Variants in ARHGEF26 observed in about 807,000 individuals in gnomAD.
The protein encoded by ARHGEF26 is Rho guanine nucleotide exchange factor (GEF) 26.
In ARHGEF26, 59 loss-of-function variants were observed where a neutral mutation model predicts 89.4. That is an observed-to-expected ratio of 0.66 (90% confidence interval 0.54 to 0.82). The LOEUF is 0.82. Ranked by LOEUF, ARHGEF26 falls within the 40% of genes least tolerant of loss-of-function variation. The pLI is 0.00. For synonymous variants in ARHGEF26, 500 were observed against 428.4 expected, an observed-to-expected ratio of 1.17 and a Z score of -2.06; for missense variants, 1,234 against 1,085.6, an observed-to-expected ratio of 1.14 and a Z score of -1.92.
intron 3 of ARHGEF26, among the ~76,000 whole-genome samples, chr3:154,125,538 T>G (rs1718275829): frequency 6.6e-6 from 1 of 152,198 alleles, no homozygotes; most frequent in Admixed American, 6.5e-5. Context: ...AGTTTGCTGC[T>G]TCTTATAGCA....
chr3:154,127,424 A>G (rs1422774428), intron 3 of ARHGEF26, among the ~76,000 whole-genome samples: 1 of 152,228 alleles, frequency 6.6e-6, no homozygotes, highest in South Asian at 2.1e-4. Flanking sequence ...AAACACATGC[A>G]TTAGCCTAGG....
intron 9 of ARHGEF26, among the ~76,000 whole-genome samples, chr3:154,199,682 C>A (rs1426650750): frequency 6.6e-6 from 1 of 152,180 alleles, no homozygotes; most frequent in East Asian, 1.9e-4. Context: ...TGCCCACCAT[C>A]AGTGTATGAG....
In ARHGEF26 at chr3:154,148,003, T is replaced by C. The variant is rs536990273; in HGVS notation, c.1270-1386T>C. 2.0e-5 allele frequency among the ~76,000 whole-genome samples: 3 copies of C among 152,324 alleles called. No homozygotes were observed. In the South Asian group the frequency reaches 6.2e-4, roughly 32 times the overall value. On this transcript the variant is annotated intron_variant, in intron 4 of 14. Coordinates refer to ENST00000465093, the MANE Select transcript of ARHGEF26 (RefSeq NM_015595.4). ...ATCTTCTTGCCTGTTCATGACCTTC[T>C]ACCTCCAGACACCTGCTATAAGGTG...
At chr3:154,228,988 G>A (rs1716669021) in intron 11 of ARHGEF26, among the ~76,000 whole-genome samples, 1 of 152,096 alleles carries the variant, frequency 6.6e-6, no homozygotes, top group South Asian at 2.1e-4. Flanking sequence ...AAGCTGCTCG[G>A]GAGGACAGTT....
chr3:154,241,140 C>T (rs930222095), intron 12 of ARHGEF26, among the ~76,000 whole-genome samples: 63 of 152,194 alleles, frequency 4.1e-4, no homozygotes, highest in African/African-American at 1.5e-3. Context: ...AGTTAGTGTG[C>T]ACTTAGTTCT....
chr3:154,157,924 T>C (rs1727949), intron 6 of ARHGEF26, among the ~76,000 whole-genome samples: 128,606 of 152,100 alleles, frequency 0.85, 54,649 homozygotes, highest in South Asian at 0.96. Context: ...GTCACAGAGG[T>C]GGTTCTTGTC....
intron 7 of ARHGEF26, among the ~76,000 whole-genome samples, chr3:154,188,856 G>A (rs768959122): frequency 6.6e-6 from 1 of 152,146 alleles, no homozygotes; most frequent in Admixed American, 6.5e-5. Flanking sequence ...AAAACACACA[G>A]CTGCTAACCC....
At chr3:154,221,849 CCACT>C (rs892764856) in intron 10 of ARHGEF26, among the ~76,000 whole-genome samples, 41 of 152,230 alleles carry the variant, frequency 2.7e-4, no homozygotes, top group Middle Eastern at 3.4e-3. Flanking sequence ...GGAGAGCCAC[CCACT>C]CACTCAGATA....
rs373695219 is a variant in ARHGEF26 at position 154,254,844 on chromosome 3, T to C, written c.2473+20T>C. The C allele has an allele frequency of 2.1e-5, 33 of 1,603,686 alleles. No homozygotes were observed. Among genetic ancestry groups the C allele is most frequent in the Non-Finnish European group, 2.6e-5 (31 of 1,171,746 alleles). ...GCGATGGTGAGTGGGAGCGTTCTTA[T>C]GGGACACTCGTGGTCCAGGATGCAG... On this transcript the variant is annotated intron_variant, in intron 14 of 14. Coordinates refer to ENST00000465093, the MANE Select transcript of ARHGEF26 (RefSeq NM_015595.4).
intron 11 of ARHGEF26, among the ~76,000 whole-genome samples, chr3:154,226,226 T>C (rs1250581505): frequency 1.3e-5 from 2 of 152,226 alleles, no homozygotes; most frequent in African/African-American, 4.8e-5. Flanking sequence ...CCAACCTCTA[T>C]TGAGCCACTG....
intron 12 of ARHGEF26, among the ~76,000 whole-genome samples, chr3:154,246,030 C>A (rs923710007): frequency 1.3e-5 from 2 of 152,066 alleles, no homozygotes; most frequent in Non-Finnish European, 2.9e-5. Context: ...TCTTCATGAT[C>A]CAGTTAAAAA....
chr3:154,216,478 GTTT>G (rs1199918146), intron 9 of ARHGEF26, among the ~76,000 whole-genome samples: 2 of 37,698 alleles, frequency 5.3e-5, no homozygotes, highest in African/African-American at 2.3e-4. Flanking sequence ...TTCAGCACTT[GTTT>G]TTTTTTTTTT....
intron 6 of ARHGEF26, among the ~76,000 whole-genome samples, chr3:154,164,247 TA>T (rs1470961465): frequency 1.3e-5 from 2 of 151,964 alleles, no homozygotes; most frequent in African/African-American, 4.8e-5. Context: ...ATATGATTTT[TA>T]AAAAAAATTT....
intron 11 of ARHGEF26, among the ~76,000 whole-genome samples, chr3:154,234,419 G>T (rs1176151055): frequency 6.6e-6 from 1 of 152,108 alleles, no homozygotes; most frequent in African/African-American, 2.4e-5. Flanking sequence ...GGCCGTTAAA[G>T]GTCTGTATCC....
At chr3:154,206,015 T>C (rs1714997533) in intron 9 of ARHGEF26, among the ~76,000 whole-genome samples, 1 of 152,184 alleles carries the variant, frequency 6.6e-6, no homozygotes. Context: ...TATTATTGAT[T>C]AATATCATTT....
chr3:154,166,794 A>G (rs1266038501), intron 6 of ARHGEF26, among the ~76,000 whole-genome samples: 2 of 152,184 alleles, frequency 1.3e-5, no homozygotes, highest in Non-Finnish European at 2.9e-5. Context: ...TCCGCCTACA[A>G]CCACTGAAAG....
At chr3:154,244,695 T>C (rs972636741) in intron 12 of ARHGEF26, among the ~76,000 whole-genome samples, 1 of 151,616 alleles carries the variant, frequency 6.6e-6, no homozygotes, top group African/African-American at 2.4e-5. Context: ...AATAACAAAT[T>C]ATAAATATAT....
In ARHGEF26 at chr3:154,187,735, A is replaced by G. The variant is rs1201797796; in HGVS notation, c.1538A>G (p.Asp513Gly). The change falls in exon 7 of 15, where the codon GAC (aspartate) becomes GGC (glycine). Residue 513 changes from aspartate (D) to glycine (G), a missense_variant. Transcript: ENST00000465093. ...ARHQNNIFID[D>G]ISDIVEKHTA... is the part of the protein sequence containing the mutation. ...CATCAGAATAATATCTTCATAGATG[A>G]CATAAGTGACATTGTGGAAAAACAC... The G allele has an allele frequency of 6.2e-7, 1 of 1,611,448 alleles. No individual in the cohort carries two copies. Among genetic ancestry groups the G allele is most frequent in the East Asian group, 2.2e-5 (1 of 44,828 alleles).
chr3:154,235,956 G>C (rs528071518), intron 11 of ARHGEF26, among the ~76,000 whole-genome samples: 2 of 152,184 alleles, frequency 1.3e-5, no homozygotes, highest in East Asian at 3.9e-4. Flanking sequence ...ATGTCTTCCT[G>C]ATTTCAAAGT....
Sources: allele counts gnomAD v4.1 joint callset (sites outside exome capture counted in the v4.1 genomes callset), GRCh38; gene constraint gnomAD v4.1.1; transcripts MANE v1.5; gene names NCBI Gene and HGNC (gene_info 2026-07-23, HGNC 2026-07-21).